CAST: variants seen among roughly 807,000 people sequenced by gnomAD.
The protein encoded by CAST is calpastatin.
A neutral mutation model predicts 119.6 loss-of-function variants in CAST; 76 were observed. The ratio of observed to expected loss-of-function variants is 0.64; its 90% CI spans 0.53 to 0.77. The LOEUF (loss-of-function observed/expected upper bound fraction) is 0.77. Among genes scored for constraint, CAST ranks in the 30% least tolerant of loss-of-function variants. CAST has a pLI of 0.00. For synonymous variants in CAST, 319 were observed against 331.6 expected (o/e 0.96, Z 0.41); for missense variants, 953 against 946.5 (o/e 1.01, Z -0.09).
chr5:96,434,607 G>T, the CAST span, among the ~76,000 whole-genome samples: 20 of 147,306 alleles, frequency 1.4e-4, no homozygotes, highest in African/African-American at 2.5e-4. Flanking sequence ...TGGGAAGTTT[G>T]TTTTTTTTTT....
the CAST span, among the ~76,000 whole-genome samples, chr5:96,150,876 G>A: frequency 6.6e-6 from 1 of 152,168 alleles, no homozygotes; most frequent in Non-Finnish European, 1.5e-5. Flanking sequence ...AGATGCAGAG[G>A]TAAAAACCCC....
At chr5:96,536,834 A>T (rs78903541) in intron 1 of CAST, among the ~76,000 whole-genome samples, 1 of 151,734 alleles carries the variant, frequency 6.6e-6, no homozygotes, top group South Asian at 2.1e-4. Context: ...AACAGTATAA[A>T]TTTTTTTTAT....
the CAST span, among the ~76,000 whole-genome samples, chr5:96,292,255 C>T: frequency 1.3e-5 from 2 of 152,292 alleles, no homozygotes; most frequent in East Asian, 3.9e-4. Flanking sequence ...AGCTTCGAGA[C>T]TTCTGTAGAT....
the CAST span, among the ~76,000 whole-genome samples, chr5:96,374,080 C>T: frequency 6.6e-6 from 1 of 152,152 alleles, no homozygotes. Flanking sequence ...TAAGATTTGG[C>T]ACCTTATGTA....
chr5:96,028,220 T>C, the CAST span, among the ~76,000 whole-genome samples: 3 of 152,058 alleles, frequency 2.0e-5, no homozygotes, highest in African/African-American at 7.2e-5. Flanking sequence ...CAGATATAAT[T>C]ACTAGAACTG....
At chr5:96,375,436 G>GTGTGTGTGT in the CAST span, among the ~76,000 whole-genome samples, 2 of 125,332 alleles carry the variant, frequency 1.6e-5, no homozygotes, top group African/African-American at 5.1e-5. Context: ...GTGTGTGTGT[G>GTGTGTGTGT]TTTTTTTTAC....
At chr5:96,487,094 G>C in the CAST span, among the ~76,000 whole-genome samples, 5 of 152,166 alleles carry the variant, frequency 3.3e-5, no homozygotes, top group African/African-American at 9.7e-5. Context: ...AGATTGGAGA[G>C]CATCACTGTA....
chr5:96,531,528 G>A (rs899696631), intron 1 of CAST, among the ~76,000 whole-genome samples: 2 of 152,186 alleles, frequency 1.3e-5, no homozygotes, highest in African/African-American at 2.4e-5. Flanking sequence ...GCACTTTAAT[G>A]TAAAATCTAT....
the CAST span, among the ~76,000 whole-genome samples, chr5:96,255,193 G>C: frequency 1.3e-5 from 2 of 152,136 alleles, no homozygotes; most frequent in African/African-American, 2.4e-5. Context: ...TCCAGCCAGG[G>C]CTGTTGGGTT....
chr5:96,332,541 A>C, the CAST span, among the ~76,000 whole-genome samples: 2 of 152,290 alleles, frequency 1.3e-5, no homozygotes, highest in Non-Finnish European at 2.9e-5. Context: ...ATCATGTTGC[A>C]TGCAGAATAT....
the CAST span, among the ~76,000 whole-genome samples, chr5:96,381,702 T>C: frequency 2.0e-5 from 3 of 152,212 alleles, no homozygotes; most frequent in African/African-American, 4.8e-5. Context: ...CTTGGTCTCC[T>C]AGGGGAGCTG....
At chr5:96,040,569 G>A in the CAST span, among the ~76,000 whole-genome samples, 1 of 152,112 alleles carries the variant, frequency 6.6e-6, no homozygotes, top group East Asian at 1.9e-4. Context: ...TTTATTGAGA[G>A]TTTTTAGCAT....
upstream of CAST, among the ~76,000 whole-genome samples, chr5:96,523,681 G>T (rs776713626): frequency 1.3e-5 from 2 of 152,184 alleles, no homozygotes; most frequent in Non-Finnish European, 2.9e-5. Flanking sequence ...TCACAGCCAG[G>T]ACTATATCAG....
At chr5:96,599,199 C>T (rs1192373179) in intron 1 of CAST, among the ~76,000 whole-genome samples, 1 of 152,126 alleles carries the variant, frequency 6.6e-6, no homozygotes, top group Non-Finnish European at 1.5e-5. Flanking sequence ...CAGACAAATG[C>T]ACAGTGTAAA....
chr5:96,679,936 A>G (rs974448703), intron 2 of CAST, among the ~76,000 whole-genome samples: 4 of 152,168 alleles, frequency 2.6e-5, no homozygotes, highest in Non-Finnish European at 5.9e-5. Context: ...ACTTAAATTA[A>G]CGCGATAATG....
At chr5:96,562,019 C>T (rs1297199773) in intron 1 of CAST, among the ~76,000 whole-genome samples, 2 of 150,766 alleles carry the variant, frequency 1.3e-5, no homozygotes, top group African/African-American at 2.4e-5. Flanking sequence ...GTCTCGATCT[C>T]CTGACCTCGT....
At chr5:96,043,794 A>G in the CAST span, among the ~76,000 whole-genome samples, 1 of 152,210 alleles carries the variant, frequency 6.6e-6, no homozygotes, top group African/African-American at 2.4e-5. Flanking sequence ...ATTGGTTTAG[A>G]TGACTGAAGA....
At chr5:96,094,034 C>T in the CAST span, among the ~76,000 whole-genome samples, 1 of 152,040 alleles carries the variant, frequency 6.6e-6, no homozygotes, top group Non-Finnish European at 1.5e-5. Context: ...GCCTTATTTC[C>T]CTCAAGGAAA....
the CAST span, among the ~76,000 whole-genome samples, chr5:96,384,764 C>G: frequency 1.3e-5 from 2 of 152,174 alleles, no homozygotes; most frequent in Non-Finnish European, 2.9e-5. Context: ...CGAGAGAACA[C>G]TGGTCCCTGA....
Sources: gnomAD v4.1 joint callset for allele counts (sites outside exome capture counted in the v4.1 genomes callset) on GRCh38, gnomAD v4.1.1 for gene constraint, MANE v1.5 for transcripts, NCBI Gene and HGNC (gene_info 2026-07-23, HGNC 2026-07-21) for gene names.